The following SLC35F3 variants were observed in gnomAD, a reference collection of about 807,000 sequenced individuals.
The protein encoded by SLC35F3 is solute carrier family 35 member F3, also known as putative thiamine transporter SLC35F3.
SLC35F3 carries 25 observed loss-of-function variants against 49.9 expected under a neutral mutation model. That is an observed-to-expected ratio of 0.50 (90% confidence interval 0.37 to 0.70). SLC35F3 has a LOEUF of 0.70. Among genes scored for constraint, SLC35F3 ranks in the 30% least tolerant of loss-of-function variants. The pLI, the probability that SLC35F3 is intolerant of heterozygous loss-of-function variation, is 0.00. For missense variants in SLC35F3, 525 were observed against 639.8 expected (o/e 0.82, Z 1.94); for synonymous variants, 275 against 265.4 (o/e 1.04, Z -0.35).
chr1:234,054,046 C>T (rs971641318), intron 2 of SLC35F3, among the ~76,000 whole-genome samples: 1 of 152,156 alleles, frequency 6.6e-6, no homozygotes, highest in African/African-American at 2.4e-5. Flanking sequence ...TGTGGGTAAC[C>T]AGACCTTTCT....
At chr1:234,299,517 C>T (rs1309741714) in intron 3 of SLC35F3, among the ~76,000 whole-genome samples, 1 of 152,028 alleles carries the variant, frequency 6.6e-6, no homozygotes, top group Non-Finnish European at 1.5e-5. Context: ...TAAAAAGTAA[C>T]AAAGCAGGCC....
At position 233,904,770 on chromosome 1, in the gene SLC35F3, GGGC is replaced by G. The variant is rs1197208068; in HGVS notation, c.-300_-298del. ...CGAGACTCACGCCTGCGGTGTGCTA[GGGC>G]GGCGGCGACGGTGACGGGCGTGGGG... is the stretch of plus-strand genomic sequence containing the variant. On this transcript the variant is annotated 5_prime_UTR_variant, in exon 1 of 8. Transcript: ENST00000366618. Among the ~76,000 whole-genome samples the G allele has an allele frequency of 2.6e-5, 4 of 151,626 alleles. No homozygotes were observed. The highest frequency in any genetic ancestry group is 4.4e-5 in the Non-Finnish European group (3 of 67,868).
chr1:234,099,995 A>G (rs1462859482), intron 2 of SLC35F3, among the ~76,000 whole-genome samples: 4 of 152,228 alleles, frequency 2.6e-5, no homozygotes, highest in Admixed American at 6.5e-5. Flanking sequence ...TATAATCCAC[A>G]TACTACTTTA....
chr1:233,927,642 A>G (rs1449053557), intron 2 of SLC35F3, among the ~76,000 whole-genome samples: 1 of 152,092 alleles, frequency 6.6e-6, no homozygotes, highest in Admixed American at 6.6e-5. Flanking sequence ...TTCAGAAGAC[A>G]TTTTTGAACA....
chr1:234,246,774 G>A lies in SLC35F3; in HGVS notation c.608+15033G>A, dbSNP rs553463918. ...AGAAACAGCCATATGCTGAGTTAAG[G>A]CATGAATAAGAAATCACTCCCAGAA... is the stretch of plus-strand genomic sequence containing the variant. On this transcript the variant is annotated intron_variant, in intron 3 of 7. Transcript: ENST00000366618. 2.6e-5 allele frequency among the ~76,000 whole-genome samples: 4 copies of A among 152,328 alleles called. No homozygotes were observed. In the South Asian group the frequency reaches 8.3e-4, roughly 32 times the overall value.
chr1:234,082,363 G>T (rs1186357185), intron 2 of SLC35F3, among the ~76,000 whole-genome samples: 1 of 152,078 alleles, frequency 6.6e-6, no homozygotes, highest in Admixed American at 6.6e-5. Flanking sequence ...AATTCAATTC[G>T]CTGCCTGCCT....
chr1:234,008,855 G>A (rs1019670111), intron 2 of SLC35F3, among the ~76,000 whole-genome samples: 1 of 152,212 alleles, frequency 6.6e-6, no homozygotes, highest in African/African-American at 2.4e-5. Flanking sequence ...CCTGGATGCT[G>A]CCTGACTGAC....
At chr1:234,094,896 T>C (rs141098324) in intron 2 of SLC35F3, among the ~76,000 whole-genome samples, 79 of 152,298 alleles carry the variant, frequency 5.2e-4, no homozygotes, top group African/African-American at 1.9e-3. Flanking sequence ...TGTGCACACA[T>C]ACACATAACA....
At chr1:233,967,242 C>A (rs1662919287) in intron 2 of SLC35F3, among the ~76,000 whole-genome samples, 1 of 151,708 alleles carries the variant, frequency 6.6e-6, no homozygotes, top group African/African-American at 2.4e-5. Flanking sequence ...ATGAAAAATG[C>A]AAGCCCCCCC....
intron 2 of SLC35F3, among the ~76,000 whole-genome samples, chr1:234,122,176 T>G (rs1170374531): frequency 2.0e-5 from 3 of 152,218 alleles, no homozygotes; most frequent in Non-Finnish European, 4.4e-5. Context: ...TAGTTTACAC[T>G]CCCACCAACT....
chr1:234,287,217 T>G (rs1235419919), intron 3 of SLC35F3, among the ~76,000 whole-genome samples: 1 of 151,832 alleles, frequency 6.6e-6, no homozygotes, highest in Non-Finnish European at 1.5e-5. Flanking sequence ...AAATAAAAAT[T>G]TAAAAAGCAA....
intron 3 of SLC35F3, among the ~76,000 whole-genome samples, chr1:234,255,297 G>C (rs1667801246): frequency 6.6e-6 from 1 of 152,180 alleles, no homozygotes; most frequent in Non-Finnish European, 1.5e-5. Context: ...AAACAACAAT[G>C]AGATACCACT....
At chr1:234,291,236 A>G (rs1668502711) in intron 3 of SLC35F3, among the ~76,000 whole-genome samples, 1 of 152,206 alleles carries the variant, frequency 6.6e-6, no homozygotes, top group Non-Finnish European at 1.5e-5. Context: ...AGTGCTTATC[A>G]ATGCTAACGT....
chr1:234,092,619 G>T (rs572296747), intron 2 of SLC35F3, among the ~76,000 whole-genome samples: 3 of 152,338 alleles, frequency 2.0e-5, no homozygotes, highest in African/African-American at 7.2e-5. Flanking sequence ...TGTAATCTCA[G>T]CATTTTGGGA....
At chr1:234,117,288 C>T (rs190791170) in intron 2 of SLC35F3, among the ~76,000 whole-genome samples, 18 of 152,232 alleles carry the variant, frequency 1.2e-4, no homozygotes, top group Admixed American at 3.3e-4. Context: ...ATGCAAGATT[C>T]ACCCTAATAC....
At position 234,214,211 on chromosome 1, in the gene SLC35F3, G is replaced by A. The variant is rs144958492; in HGVS notation, c.284-17206G>A. On this transcript the variant is annotated intron_variant, in intron 2 of 7. Transcript: ENST00000366618. The surrounding 1 kb of genome is among the most constrained non-coding windows in gnomAD (Gnocchi z 8.0). ...GTGGGAGCAGGGAGTGCACTTGTAC[G>A]TGACGTTGGAGTTTGCAGCAACCTC... is the stretch of plus-strand genomic sequence containing the variant. 7.3e-4 allele frequency: 865 copies of A among 1,178,570 alleles called. 8 individuals carry two copies. In the African/African-American group the frequency reaches 0.013, roughly 17 times the overall value. The allele number at this position is 1,178,570 out of a possible 1,614,324, so 73.0% of individuals were successfully genotyped here.
chr1:234,166,035 C>A (rs1322687525), intron 2 of SLC35F3, among the ~76,000 whole-genome samples: 4 of 152,122 alleles, frequency 2.6e-5, no homozygotes, highest in African/African-American at 9.7e-5. Context: ...TTATCTTGTT[C>A]TTTTTTATGG....
chr1:234,235,839 G>GGT lies in SLC35F3; in HGVS notation c.608+4105_608+4106dup, dbSNP rs1667458994. Among the ~76,000 whole-genome samples the GGT allele has an allele frequency of 3.3e-5, 5 of 152,284 alleles. No homozygotes were observed. The South Asian group carries it at 8.3e-4, about 25-fold the overall frequency. On this transcript the variant is annotated intron_variant, in intron 3 of 7. Transcript: ENST00000366618. ...TTCATCTTAAACCCTGCAAGGGCCCGGTGTGTGTACCTTGCCACCCAGACT... is the reference window on the plus strand; with the variant it reads ...TTCATCTTAAACCCTGCAAGGGCCCGGTGTGTGTGTACCTTGCCACCCAGACT...
chr1:234,241,801 G>A (rs1385429388), intron 3 of SLC35F3, among the ~76,000 whole-genome samples: 1 of 152,056 alleles, frequency 6.6e-6, no homozygotes, highest in African/African-American at 2.4e-5. Context: ...CAAGGTTTGG[G>A]GTGCAAATCA....
Sources: gnomAD v4.1 joint callset for allele counts (sites outside exome capture counted in the v4.1 genomes callset) on GRCh38, gnomAD v4.1.1 for gene constraint, Gnocchi (gnomAD v3.1) non-coding constraint, MANE v1.5 for transcripts, NCBI Gene and HGNC (gene_info 2026-07-23, HGNC 2026-07-21) for gene names.